RIN2: variants seen among roughly 807,000 people sequenced by gnomAD.
The protein encoded by RIN2 is Ras and Rab interactor 2, also known as RAB5 interacting protein 2.
A neutral mutation model predicts 78.0 loss-of-function variants in RIN2; 36 were observed. The ratio of observed to expected loss-of-function variants is 0.46; its 90% confidence interval spans 0.35 to 0.61. RIN2 has a LOEUF of 0.61. RIN2 is among the 20% of genes least tolerant of loss of function. The probability of loss-of-function intolerance (pLI) is 0.00; values close to 1 mark genes in which losing one functional copy is unlikely to be tolerated. For synonymous variants in RIN2, 466 were observed against 466.8 expected, an observed-to-expected ratio of 1.00 and a Z score of 0.02; for missense variants, 1,087 against 1,159.7, an observed-to-expected ratio of 0.94 and a Z score of 0.91.
chr20:19,924,820 A>G lies in RIN2; in HGVS notation c.58-10279A>G, dbSNP rs189263783. ...AGTGGTGCAATCTCGGCTCACAGCA[A>G]CCTCTGCCTCCTGGGTTAAAGAGAT... On this transcript the variant is annotated intron_variant, in intron 3 of 12. Coordinates refer to ENST00000255006, the MANE Select transcript of RIN2 (RefSeq NM_018993.4). Among the ~76,000 whole-genome samples, 235 of 122,278 alleles carry G rather than the reference A, an allele frequency of 1.9e-3. 1 individual carries two copies. The highest frequency in any genetic ancestry group is 7.3e-3 in the African/African-American group (221 of 30,140). 80.2% of individuals were successfully genotyped at this position (122,278 alleles called of 152,430 possible). A position where few individuals can be genotyped will look rare whatever the true frequency, so the allele number is the denominator to read the frequency against.
chr20:19,870,035 ACCTGTGCCATTTTG>A (rs1395248971), intron 2 of RIN2, among the ~76,000 whole-genome samples: 2 of 151,932 alleles, frequency 1.3e-5, no homozygotes, highest in African/African-American at 2.4e-5. Flanking sequence ...AGGTTCACTG[ACCTGTGCCATTTTG>A]CCCCATTTCC....
Position 19,898,660 on chromosome 20 carries a change from A to G in RIN2, c.57+9002A>G, listed in dbSNP as rs147371185. On this transcript the variant is annotated intron_variant, in intron 3 of 12. Transcript: ENST00000255006. ...AACCTTTGGTGTTCTCCCTTTTTAC[A>G]GAACAGAAATCTGCAGGCTGGTATA... Among the ~76,000 whole-genome samples, 699 of 152,352 alleles carry G rather than the reference A, an allele frequency of 4.6e-3. 9 individuals are homozygous for G. The highest frequency in any genetic ancestry group is 0.016 in the African/African-American group (674 of 41,584).
intron 8 of RIN2, among the ~76,000 whole-genome samples, chr20:19,971,580 G>T (rs1310622538): frequency 6.6e-6 from 1 of 151,986 alleles, no homozygotes; most frequent in Non-Finnish European, 1.5e-5. Context: ...CACTCACTGT[G>T]ATACTTGACC....
intron 2 of RIN2, among the ~76,000 whole-genome samples, chr20:19,873,623 C>A (rs1216128321): frequency 6.6e-6 from 1 of 152,056 alleles, no homozygotes. Flanking sequence ...GCCTAGAGAC[C>A]TTCTTTGCAG....
chr20:19,900,967 A>G (rs996656705), intron 3 of RIN2, among the ~76,000 whole-genome samples: 1 of 150,862 alleles, frequency 6.6e-6, no homozygotes, highest in African/African-American at 2.4e-5. Flanking sequence ...AAAAAAAAAA[A>G]AAAAAAGAAA....
chr20:19,971,735 A>ATTTTTTTTTTTTTTTTTTTTTTT (rs61019165), intron 8 of RIN2, among the ~76,000 whole-genome samples: 1 of 91,534 alleles, frequency 1.1e-5, no homozygotes, highest in African/African-American at 5.0e-5. Context: ...TGAAACTGCA[A>ATTTTTTTTTTTTTTTTTTTTTTT]TTTTTTTTTT....
intron 2 of RIN2, among the ~76,000 whole-genome samples, chr20:19,858,098 C>T (rs1226008332): frequency 3.3e-5 from 5 of 151,032 alleles, no homozygotes; most frequent in African/African-American, 1.2e-4. Context: ...AGGTCCAACT[C>T]ATCCCTTTTT....
chr20:19,946,758 C>T (rs891422726), intron 4 of RIN2, among the ~76,000 whole-genome samples: 2 of 146,020 alleles, frequency 1.4e-5, no homozygotes, highest in Non-Finnish European at 3.0e-5. Context: ...CAGCTGGGTG[C>T]GGTGGCTCAC....
At chr20:19,794,788 C>G (rs760189981) in intron 1 of RIN2, among the ~76,000 whole-genome samples, 69 of 152,098 alleles carry the variant, frequency 4.5e-4, no homozygotes, top group Non-Finnish European at 9.1e-4. Flanking sequence ...AACAGCGACT[C>G]AGGATTTCTC....
chr20:19,890,053 A>AAAACAAACAAAC (rs11474749), intron 3 of RIN2, among the ~76,000 whole-genome samples: 5 of 151,356 alleles, frequency 3.3e-5, no homozygotes, highest in African/African-American at 7.3e-5. Context: ...GAAGGGCTCC[A>AAAACAAACAAAC]AAACAAACAA....
intron 1 of RIN2, among the ~76,000 whole-genome samples, chr20:19,778,020 A>G: frequency 6.6e-6 from 1 of 152,240 alleles, no homozygotes; most frequent in East Asian, 1.9e-4. Context: ...CAAAGGAGGA[A>G]AAAAGCATGC....
intron 2 of RIN2, among the ~76,000 whole-genome samples, chr20:19,853,539 C>A (rs1437943899): frequency 6.6e-6 from 1 of 152,194 alleles, no homozygotes; most frequent in Non-Finnish European, 1.5e-5. Flanking sequence ...TCCTCTCCAG[C>A]ACCTGTTGTC....
At chr20:19,862,162 C>G (rs908653030) in intron 2 of RIN2, among the ~76,000 whole-genome samples, 2 of 152,236 alleles carry the variant, frequency 1.3e-5, no homozygotes, top group Non-Finnish European at 2.9e-5. Context: ...CTGATGTTTC[C>G]TCTTGGTAAT....
chr20:19,971,044 G>T (rs937960161), intron 8 of RIN2, 115 bp downstream of exon 8: 2 of 747,022 alleles, frequency 2.7e-6, no homozygotes, highest in African/African-American at 3.5e-5. Flanking sequence ...CTCCATCAGT[G>T]AGTTTGGGCT....
intron 2 of RIN2, among the ~76,000 whole-genome samples, chr20:19,803,877 C>T (rs924171024): frequency 4.6e-5 from 7 of 152,288 alleles, no homozygotes; most frequent in Admixed American, 4.6e-4. Context: ...TTTCCTTGAG[C>T]AGTGGTTTGT....
intron 2 of RIN2, among the ~76,000 whole-genome samples, chr20:19,801,601 G>A (rs980495408): frequency 3.3e-5 from 5 of 152,062 alleles, no homozygotes; most frequent in East Asian, 1.9e-4. Flanking sequence ...GATTACAGGC[G>A]TGAGCCACCG....
intron 12 of RIN2, among the ~76,000 whole-genome samples, chr20:19,999,452 A>G (rs546959881): frequency 6.6e-6 from 1 of 152,326 alleles, no homozygotes; most frequent in Non-Finnish European, 1.5e-5. Context: ...TTATCCCAGG[A>G]AACCCTCGTG....
At chr20:19,917,411 T>C (rs1253450654) in intron 3 of RIN2, among the ~76,000 whole-genome samples, 1 of 152,230 alleles carries the variant, frequency 6.6e-6, no homozygotes, top group Admixed American at 6.5e-5. Context: ...GTTAATTCCA[T>C]CCATCAAATT....
At chr20:19,847,246 T>C (rs369107189) in intron 2 of RIN2, among the ~76,000 whole-genome samples, 1 of 152,206 alleles carries the variant, frequency 6.6e-6, no homozygotes, top group African/African-American at 2.4e-5. Context: ...TTTCATGTAA[T>C]TTTTCCCTTA....
Sources: allele counts gnomAD v4.1 joint callset (sites outside exome capture counted in the v4.1 genomes callset), GRCh38; gene constraint gnomAD v4.1.1; transcripts MANE v1.5; gene names NCBI Gene and HGNC (gene_info 2026-07-23, HGNC 2026-07-21).